Variants in NUBPL observed in about 807,000 individuals in gnomAD.
The protein encoded by NUBPL is NUBP iron-sulfur cluster assembly factor, mitochondrial.
NUBPL carries 31 observed loss-of-function variants against 45.7 expected under a neutral mutation model. That is an observed-to-expected ratio of 0.68 (90% CI 0.51 to 0.92). The LOEUF (loss-of-function observed/expected upper bound fraction) is 0.92. NUBPL is among the 40% of genes least tolerant of loss of function. The pLI is 0.00. For missense variants in NUBPL, 401 were observed against 398.7 expected (o/e 1.01, Z -0.05); for synonymous variants, 144 against 140.9 (o/e 1.02, Z -0.15).
intron 6 of NUBPL, among the ~76,000 whole-genome samples, chr14:31,713,030 T>C (rs2037612290): frequency 6.6e-6 from 1 of 152,220 alleles, no homozygotes; most frequent in Admixed American, 6.5e-5. Context: ...TCTCATTGTC[T>C]GGATGTGGTG....
intron 8 of NUBPL, chr14:31,843,791 C>G (rs1224195590): frequency 6.6e-6 from 1 of 152,186 alleles, no homozygotes; most frequent in East Asian, 1.9e-4. Context: ...CTCTCTGACT[C>G]CCAGAGTACA....
chr14:31,573,265 G>C (rs542499369), intron 3 of NUBPL, among the ~76,000 whole-genome samples: 5 of 152,224 alleles, frequency 3.3e-5, no homozygotes, highest in African/African-American at 1.2e-4. Context: ...CTGAAATGTT[G>C]TTATGGGGCA....
chr14:31,605,898 C>T (rs1019734800), intron 4 of NUBPL, among the ~76,000 whole-genome samples: 1 of 146,120 alleles, frequency 6.8e-6, no homozygotes, highest in Non-Finnish European at 1.5e-5. Flanking sequence ...TGTCTCCTCC[C>T]TTCTCCTTCC....
Position 31,754,223 on chromosome 14 carries a change from T to C in NUBPL, c.514-33557T>C, listed in dbSNP as rs149792407. ...AATGAGTAATAGAATTATTGTATCATCATTTTTTAACCCTTAATGAAAAAG... is the reference window on the plus strand; with the variant it reads ...AATGAGTAATAGAATTATTGTATCACCATTTTTTAACCCTTAATGAAAAAG... On this transcript the variant is annotated intron_variant, in intron 6 of 10. Transcript: ENST00000281081. Among the ~76,000 whole-genome samples, 299 of 152,334 alleles carry C rather than the reference T, an allele frequency of 2.0e-3. 8 individuals carry two copies. In the East Asian group the frequency reaches 0.046, roughly 24 times the overall value.
intron 6 of NUBPL, among the ~76,000 whole-genome samples, chr14:31,784,671 C>T (rs766541919): frequency 8.7e-5 from 13 of 149,160 alleles, no homozygotes; most frequent in South Asian, 2.1e-4. Flanking sequence ...TGGGTAGTCT[C>T]GGGGTAACTA....
chr14:31,617,540 G>T (rs1019963911), intron 4 of NUBPL, among the ~76,000 whole-genome samples: 4 of 152,104 alleles, frequency 2.6e-5, no homozygotes, highest in African/African-American at 2.4e-5. Flanking sequence ...TAATCGTGTG[G>T]TTTTTGTCAT....
chr14:31,660,055 A>G (rs933448947), intron 4 of NUBPL, among the ~76,000 whole-genome samples: 12 of 152,200 alleles, frequency 7.9e-5, no homozygotes, highest in Non-Finnish European at 1.0e-4. Context: ...AAGCCATAAC[A>G]TTACAAAAAC....
intron 7 of NUBPL, among the ~76,000 whole-genome samples, chr14:31,813,554 T>C (rs1054546121): frequency 1.4e-5 from 2 of 147,742 alleles, no homozygotes; most frequent in African/African-American, 4.9e-5. Context: ...CACACACACA[T>C]ACTTTAAGTC....
intron 4 of NUBPL, among the ~76,000 whole-genome samples, chr14:31,659,189 T>C (rs888200478): frequency 2.6e-5 from 4 of 152,242 alleles, no homozygotes; most frequent in African/African-American, 9.6e-5. Context: ...AAAATAAATG[T>C]AGTGCTTTGT....
At chr14:31,612,268 A>G (rs1444215902) in intron 4 of NUBPL, among the ~76,000 whole-genome samples, 1 of 152,248 alleles carries the variant, frequency 6.6e-6, no homozygotes, top group African/African-American at 2.4e-5. Context: ...AGCTCAGACA[A>G]ATCTATAGGA....
intron 6 of NUBPL, among the ~76,000 whole-genome samples, chr14:31,708,266 T>C (rs2037496022): frequency 6.6e-6 from 1 of 152,216 alleles, no homozygotes; most frequent in Non-Finnish European, 1.5e-5. Flanking sequence ...TATCCTTTAA[T>C]CCTTTATGAG....
intron 4 of NUBPL, among the ~76,000 whole-genome samples, chr14:31,666,189 G>A (rs1434808571): frequency 4.2e-5 from 6 of 142,346 alleles, no homozygotes; most frequent in African/African-American, 1.5e-4. Context: ...TTGCCAGTCT[G>A]TGTCTTTTAA....
intron 4 of NUBPL, among the ~76,000 whole-genome samples, chr14:31,643,854 C>T (rs555259750): frequency 6.6e-6 from 1 of 152,038 alleles, no homozygotes; most frequent in Non-Finnish European, 1.5e-5. Flanking sequence ...TTCTGTTTCT[C>T]CCTGGTTCAA....
intron 6 of NUBPL, among the ~76,000 whole-genome samples, chr14:31,713,846 ATGG>A (rs1223550206): frequency 2.0e-5 from 3 of 152,196 alleles, no homozygotes; most frequent in Non-Finnish European, 4.4e-5. Flanking sequence ...TTAAATTTAT[ATGG>A]TGCAAACTTT....
intron 3 of NUBPL, among the ~76,000 whole-genome samples, chr14:31,593,612 T>C (rs1292501271): frequency 6.6e-6 from 1 of 150,388 alleles, no homozygotes; most frequent in Non-Finnish European, 1.5e-5. Flanking sequence ...CAACTGTATA[T>C]AATATGTTGA....
At chr14:31,708,453 A>T (rs146148046) in intron 6 of NUBPL, among the ~76,000 whole-genome samples, 40 of 152,262 alleles carry the variant, frequency 2.6e-4, no homozygotes, top group African/African-American at 9.6e-4. Context: ...CCCCATATTC[A>T]TGTAGATAAT....
chr14:31,667,269 A>G (rs1177047994), intron 4 of NUBPL, among the ~76,000 whole-genome samples: 1 of 151,528 alleles, frequency 6.6e-6, no homozygotes, highest in Non-Finnish European at 1.5e-5. Flanking sequence ...TTTTTCTGTA[A>G]TCTTGTCTTC....
chr14:31,640,721 A>C (rs2035669312), intron 4 of NUBPL, among the ~76,000 whole-genome samples: 1 of 151,886 alleles, frequency 6.6e-6, no homozygotes, highest in African/African-American at 2.4e-5. Flanking sequence ...TATTTTGTTG[A>C]TACATAATAC....
In NUBPL at chr14:31,850,104, G is replaced by T. The variant is rs1404577654; in HGVS notation, c.815-15G>T. On this transcript the variant is annotated splice_polypyrimidine_tract_variant and intron_variant, in intron 9 of 10. Coordinates refer to ENST00000281081, the MANE Select transcript of NUBPL (RefSeq NM_025152.3). The stretch of plus-strand genomic sequence containing the variant: ...ACTTTTCTGGTTCTAATGGATGTCT[G>T]CTGGGCTCTTTTAGGAGACATTCCC... 2 of 1,602,402 alleles carry T rather than the reference G, an allele frequency of 1.2e-6. No individual in the cohort carries two copies. The highest frequency in any genetic ancestry group is 2.7e-5 in the African/African-American group (2 of 74,682).
Sources: gnomAD v4.1 joint callset for allele counts (sites outside exome capture counted in the v4.1 genomes callset) on GRCh38, gnomAD v4.1.1 for gene constraint, MANE v1.5 for transcripts, NCBI Gene and HGNC (gene_info 2026-07-23, HGNC 2026-07-21) for gene names.